The following GRAMD1B variants were observed in gnomAD, a reference collection of about 807,000 sequenced individuals.
GRAMD1B encodes the protein GRAM domain containing 1B.
Under a neutral mutation model 99.7 loss-of-function variants are expected in GRAMD1B, and 37 were observed. The ratio of observed to expected loss-of-function variants is 0.37; its 90% CI spans 0.29 to 0.49. The LOEUF (loss-of-function observed/expected upper bound fraction) is 0.49, where lower values mean the gene tolerates loss of function less well. GRAMD1B is among the 20% of genes least tolerant of loss of function. The probability of loss-of-function intolerance (pLI) is 0.98; values close to 1 mark genes in which losing one functional copy is unlikely to be tolerated. For synonymous variants in GRAMD1B, 427 were observed against 387.6 expected (o/e 1.10, Z -1.19); for missense variants, 888 against 1,009.2 (o/e 0.88, Z 1.63).
chr11:123,475,325 T>C (rs1484527407), intron 1 of GRAMD1B, among the ~76,000 whole-genome samples: 1 of 152,196 alleles, frequency 6.6e-6, no homozygotes, highest in Non-Finnish European at 1.5e-5. Context: ...GCTGCTGGTA[T>C]TAATGTGACC....
chr11:123,454,271 T>C (rs1950014440), intron 1 of GRAMD1B: 1 of 152,242 alleles, frequency 6.6e-6, no homozygotes, highest in East Asian at 1.9e-4. Flanking sequence ...TCCTGGTTAC[T>C]TCCTTTGTCC....
At chr11:123,421,298 G>A (rs1457931150) in intron 1 of GRAMD1B, among the ~76,000 whole-genome samples, 1 of 152,226 alleles carries the variant, frequency 6.6e-6, no homozygotes, top group African/African-American at 2.4e-5. Context: ...GTGGGCTTAT[G>A]AGGGAATTAG....
chr11:123,403,480 TAATA>T (rs1565476717), intron 1 of GRAMD1B, among the ~76,000 whole-genome samples: 28 of 147,674 alleles, frequency 1.9e-4, no homozygotes, highest in African/African-American at 6.7e-4. Flanking sequence ...ATAATAATAA[TAATA>T]ATAATAATTT....
chr11:123,620,757 C>A (rs1397895594), intron 19 of GRAMD1B, among the ~76,000 whole-genome samples: 1 of 152,166 alleles, frequency 6.6e-6, no homozygotes, highest in Non-Finnish European at 1.5e-5. Context: ...TGGAAAACTC[C>A]AGAGCGCTGA....
intron 1 of GRAMD1B, among the ~76,000 whole-genome samples, chr11:123,474,814 G>T (rs1321778687): frequency 6.6e-6 from 1 of 152,166 alleles, no homozygotes; most frequent in African/African-American, 2.4e-5. Context: ...TAACAGGAGA[G>T]ATTGCCTCAG....
intron 1 of GRAMD1B, among the ~76,000 whole-genome samples, chr11:123,391,844 A>T (rs1947293029): frequency 1.3e-5 from 2 of 152,242 alleles, no homozygotes; most frequent in South Asian, 4.1e-4. Context: ...CATCTATGAA[A>T]GAGGCAGGTG....
chr11:123,619,290 T>C (rs1298735236), intron 19 of GRAMD1B, 66 bp downstream of exon 19: 11 of 1,541,934 alleles, frequency 7.1e-6, no homozygotes, highest in Admixed American at 2.0e-5. Context: ...CCTTATGCTG[T>C]GAGAAAGATC....
chr11:123,401,167 C>G (rs1163635891), intron 1 of GRAMD1B, among the ~76,000 whole-genome samples: 2 of 152,202 alleles, frequency 1.3e-5, no homozygotes, highest in Non-Finnish European at 2.9e-5. Context: ...CACTGTCATG[C>G]AGATATGATG....
At position 123,492,346 on chromosome 11, in the gene GRAMD1B, C is replaced by G. The variant is rs2135038467; in HGVS notation, c.452+11453C>G. Among the ~76,000 whole-genome samples the G allele has an allele frequency of 6.6e-6, 1 of 152,256 alleles. No homozygotes were observed. ...GCGTCTCTGGGGTGTGGATCATTCT[C>G]TTCCACTTACAGAGACCTAAGCAGT... On this transcript the variant is annotated intron_variant, in intron 2 of 19. Transcript: ENST00000635736. The surrounding 1 kb of genome is among the most constrained non-coding windows in gnomAD (Gnocchi z 4.2).
intron 1 of GRAMD1B, among the ~76,000 whole-genome samples, chr11:123,368,679 C>CAAAAAAAA (rs58877377): frequency 2.6e-5 from 2 of 78,036 alleles, no homozygotes; most frequent in African/African-American, 1.1e-4. Flanking sequence ...GACTCTGTCT[C>CAAAAAAAA]AAAAAAAAAA....
intron 1 of GRAMD1B, among the ~76,000 whole-genome samples, chr11:123,431,832 G>A (rs1489202342): frequency 6.6e-6 from 1 of 152,226 alleles, no homozygotes; most frequent in Non-Finnish European, 1.5e-5. Flanking sequence ...GGTAATGGGA[G>A]AAGGTTGAGC....
Position 123,584,337 on chromosome 11 carries a change from G to GT in GRAMD1B, c.684+6dup, listed in dbSNP as rs776162647. 1.4e-6 allele frequency: 1 copy of GT among 708,628 alleles called. No individual in the cohort carries two copies. The highest frequency in any genetic ancestry group is 1.9e-6 in the Non-Finnish European group (1 of 527,522). The allele number at this position is 708,628 out of a possible 1,614,324, so 43.9% of individuals were successfully genotyped here. On this transcript the variant is annotated splice_donor_region_variant and intron_variant, in intron 4 of 19. Transcript: ENST00000635736. Reference sequence around the variant, plus strand: ...AAAAGCCAGAGTTGGTATAATGTAAGTATTCCTGTTTCCCTTCTTGTTGGG... The same window carrying GT: ...AAAAGCCAGAGTTGGTATAATGTAAGTTATTCCTGTTTCCCTTCTTGTTGGG...
chr11:123,396,800 T>C (rs1209813295), intron 1 of GRAMD1B, among the ~76,000 whole-genome samples: 1 of 152,246 alleles, frequency 6.6e-6, no homozygotes, highest in Admixed American at 6.5e-5. Context: ...TTTGCTCTAA[T>C]TTAGGCAGAG....
chr11:123,605,564 G>A, intron 10 of GRAMD1B, 86 bp downstream of exon 10: 1 of 1,103,692 alleles, frequency 9.1e-7, no homozygotes, highest in Non-Finnish European at 1.3e-6. Flanking sequence ...AATCTGGGGA[G>A]CAGGTAGAGA....
rs1216043226 is a variant in GRAMD1B, at chr11:123,430,841, G to A, written c.49G>A (p.Val17Met). Residue 17 changes from valine (V) to methionine (M), a missense_variant, in exon 1 of 20, where the codon GTG (valine) becomes ATG (methionine). Around this residue, in one of 5 missense-constraint regions of GRAMD1B, gnomAD observed 233 missense variants for 154.6 expected, o/e 1.51. Coordinates refer to ENST00000635736, the MANE Select transcript of GRAMD1B (RefSeq NM_001387025.1). ...MENRPLPALQ[V>M]PEPQGAPEGS... ...GAACCGGCCGCTGCCCGCCCTGCAG[G>A]TGCCCGAGCCGCAGGGTGCGCCCGA... 1.4e-6 allele frequency: 1 copy of A among 699,306 alleles called. No individual in the cohort carries two copies. Among genetic ancestry groups the A allele is most frequent in the African/African-American group, 1.8e-5 (1 of 57,106 alleles). 43.3% of individuals were successfully genotyped at this position (699,306 alleles called of 1,614,324 possible). A position where few individuals can be genotyped will look rare whatever the true frequency, so the allele number is the denominator to read the frequency against.
At chr11:123,429,227 C>G (rs1311256708), upstream of GRAMD1B, among the ~76,000 whole-genome samples, 1 of 152,018 alleles carries the variant, frequency 6.6e-6, no homozygotes, top group Non-Finnish European at 1.5e-5. The surrounding 1 kb of genome is among the most constrained non-coding windows in gnomAD (Gnocchi z 4.0). Context: ...GTTACTGACC[C>G]AAGAGACAAA....
At chr11:123,589,614 T>TTTTA (rs762751523) in intron 4 of GRAMD1B, among the ~76,000 whole-genome samples, 1 of 128,278 alleles carries the variant, frequency 7.8e-6, no homozygotes, top group African/African-American at 3.5e-5. Context: ...TGGCTAATTT[T>TTTTA]TATATATATA....
rs372305377 is a variant in GRAMD1B at position 123,425,104 on chromosome 11, T to C, written c.-175-55712T>C. Reference sequence around the variant, plus strand: ...AGCAAGGAGATGCTATTTATTTACTTAATTTTTCAGATGAGAAACTGAGTT... The same window carrying C: ...AGCAAGGAGATGCTATTTATTTACTCAATTTTTCAGATGAGAAACTGAGTT... On this transcript the variant is annotated intron_variant, in intron 1 of 20. Coordinates refer to the GRAMD1B transcript ENST00000638157. Among the ~76,000 whole-genome samples the C allele has an allele frequency of 1.3e-4, 20 of 152,340 alleles. No individual in the cohort carries two copies. The South Asian group carries it at 4.1e-3, about 32-fold the overall frequency.
intron 1 of GRAMD1B, among the ~76,000 whole-genome samples, chr11:123,360,981 T>C (rs1428960902): frequency 2.6e-5 from 4 of 152,130 alleles, no homozygotes; most frequent in Middle Eastern, 3.4e-3. Context: ...CATGCTCAGC[T>C]AATTTTTTGT....
Sources: gnomAD v4.1 joint callset for allele counts (sites outside exome capture counted in the v4.1 genomes callset) on GRCh38, gnomAD v4.1.1 for gene constraint, gnomAD v4.1.1 regional missense constraint, Gnocchi (gnomAD v3.1) non-coding constraint, MANE v1.5 for transcripts, NCBI Gene and HGNC (gene_info 2026-07-23, HGNC 2026-07-21) for gene names.